Variants in ANKRD6 observed in about 807,000 individuals in gnomAD.
The protein encoded by ANKRD6 is ankyrin repeat domain-containing protein 6.
ANKRD6 carries 56 observed loss-of-function variants against 82.3 expected under a neutral mutation model. The ratio of observed to expected loss-of-function variants is 0.68; its 90% CI spans 0.55 to 0.85. The LOEUF (loss-of-function observed/expected upper bound fraction) is 0.85. Among genes scored for constraint, ANKRD6 ranks in the 40% least tolerant of loss-of-function variants. The probability of loss-of-function intolerance (pLI) is 0.00; values close to 1 mark genes in which losing one functional copy is unlikely to be tolerated. For missense variants in ANKRD6, 852 were observed against 907.6 expected, an observed-to-expected ratio of 0.94 and a Z score of 0.79; for synonymous variants, 347 against 352.1, an observed-to-expected ratio of 0.99 and a Z score of 0.16.
chr6:89,516,848 A>G (rs1002138737), intron 1 of ANKRD6, among the ~76,000 whole-genome samples: 5 of 152,038 alleles, frequency 3.3e-5, no homozygotes, highest in African/African-American at 9.7e-5. Flanking sequence ...GAGGACCCCA[A>G]TAACAGTGAG....
chr6:89,437,525 TACAC>T (rs749773958), intron 1 of ANKRD6, among the ~76,000 whole-genome samples: 23 of 152,178 alleles, frequency 1.5e-4, no homozygotes, highest in Non-Finnish European at 2.6e-4. Context: ...ATATATTAGG[TACAC>T]AGCTATGGAA....
chr6:89,617,094 C>G (rs558510868), intron 8 of ANKRD6: 7 of 380,002 alleles, frequency 1.8e-5, no homozygotes, highest in East Asian at 7.3e-5. Context: ...TCCCTCTCCC[C>G]CTCTCACTGT....
At chr6:89,434,510 A>G (rs1770376787) in intron 1 of ANKRD6, among the ~76,000 whole-genome samples, 1 of 152,164 alleles carries the variant, frequency 6.6e-6, no homozygotes, top group Admixed American at 6.5e-5. Flanking sequence ...GTTTTGAGAC[A>G]GAGTTTCGCT....
intron 1 of ANKRD6, among the ~76,000 whole-genome samples, chr6:89,528,792 C>T (rs1435700914): frequency 6.6e-6 from 1 of 152,224 alleles, no homozygotes; most frequent in East Asian, 1.9e-4. Flanking sequence ...GTTTAGTAGG[C>T]ATGAAAACAA....
chr6:89,595,247 C>T (rs143187676), intron 2 of ANKRD6, among the ~76,000 whole-genome samples: 1 of 152,206 alleles, frequency 6.6e-6, no homozygotes, highest in Non-Finnish European at 1.5e-5. Flanking sequence ...CCTGTAATTC[C>T]AGCTACTCGG....
At chr6:89,603,353 G>T (rs1583653394) in intron 4 of ANKRD6, among the ~76,000 whole-genome samples, 1 of 141,530 alleles carries the variant, frequency 7.1e-6, no homozygotes, top group South Asian at 2.3e-4. Context: ...TGGAGAGAGG[G>T]TCTCACTCTG....
intron 7 of ANKRD6, among the ~76,000 whole-genome samples, chr6:89,616,080 C>T (rs1246148308): frequency 2.0e-5 from 3 of 152,224 alleles, no homozygotes; most frequent in Non-Finnish European, 4.4e-5. Context: ...TGCAGGCTGG[C>T]CTGTCACCTC....
Position 89,627,569 on chromosome 6 carries a change from C to T in ANKRD6, c.1372-14C>T, listed in dbSNP as rs779106873. The T allele has an allele frequency of 1.4e-5, 23 of 1,612,250 alleles. No homozygotes were observed. In the African/African-American group the frequency reaches 1.9e-4, roughly 13 times the overall value. On this transcript the variant is annotated splice_polypyrimidine_tract_variant and intron_variant, in intron 13 of 15. Transcript: ENST00000339746. ...ATCATCTCAGTCTTACACTCTGCTC[C>T]ACTTCACTCCTAGATGCGTGTTTTG...
intron 7 of ANKRD6, 94 bp from the exon 8 acceptor site, chr6:89,616,465 A>C (rs1801610826): frequency 8.7e-7 from 1 of 1,154,652 alleles, no homozygotes; most frequent in Non-Finnish European, 1.3e-6. Flanking sequence ...TCTCAGTTTG[A>C]CTTTGAAGAG....
intron 1 of ANKRD6, among the ~76,000 whole-genome samples, chr6:89,439,599 T>C (rs1219226373): frequency 1.3e-5 from 2 of 152,214 alleles, no homozygotes; most frequent in Non-Finnish European, 2.9e-5. Flanking sequence ...ATTCTAGTAA[T>C]GCTTCAGCGT....
At chr6:89,475,200 T>G (rs1053813210) in intron 1 of ANKRD6, among the ~76,000 whole-genome samples, 1 of 152,180 alleles carries the variant, frequency 6.6e-6, no homozygotes, top group Non-Finnish European at 1.5e-5. Context: ...CATGAATAGA[T>G]GCATGAAAAT....
intron 1 of ANKRD6, among the ~76,000 whole-genome samples, chr6:89,558,068 C>A (rs146208283): frequency 3.5e-4 from 53 of 152,232 alleles, no homozygotes; most frequent in African/African-American, 1.2e-3. Context: ...ACCATTGTTC[C>A]CCACTGCTGA....
intron 1 of ANKRD6, among the ~76,000 whole-genome samples, chr6:89,517,463 G>C (rs920855397): frequency 1.3e-5 from 2 of 152,104 alleles, no homozygotes; most frequent in Non-Finnish European, 2.9e-5. Context: ...AAACTCATTT[G>C]ATGTTTTTCT....
At chr6:89,596,976 G>C (rs893234010) in intron 3 of ANKRD6, among the ~76,000 whole-genome samples, 8 of 152,220 alleles carry the variant, frequency 5.3e-5, no homozygotes, top group African/African-American at 1.4e-4. Context: ...TGTAGTTATA[G>C]AGTGTGATTC....
intron 1 of ANKRD6, among the ~76,000 whole-genome samples, chr6:89,445,274 T>TC (rs1191062907): frequency 6.4e-5 from 9 of 139,850 alleles, no homozygotes; most frequent in Non-Finnish European, 1.4e-4. Flanking sequence ...CTTTTTTTTT[T>TC]TTTTTTTTTT....
intron 1 of ANKRD6, among the ~76,000 whole-genome samples, chr6:89,536,970 T>C (rs959064997): frequency 1.3e-5 from 2 of 152,212 alleles, no homozygotes; most frequent in African/African-American, 2.4e-5. Flanking sequence ...TAAGCCACCA[T>C]GCCCAGTCAT....
intron 1 of ANKRD6, 30 bp from the exon 2 acceptor site, chr6:89,566,804 C>T: frequency 1.2e-6 from 1 of 817,218 alleles, no homozygotes; most frequent in Non-Finnish European, 1.9e-6. Flanking sequence ...TCAAGTGGCC[C>T]TGATGGCACC....
In ANKRD6 at chr6:89,629,962, C is replaced by T. The variant is rs868373212; in HGVS notation, c.1613-471C>T. On this transcript the variant is annotated intron_variant, in intron 15 of 15. Transcript: ENST00000339746. The stretch of plus-strand genomic sequence containing the variant: ...GAGCTCTGGGTGTGGAAAATGGGGC[C>T]TCCTTTCCAAATTGGAGCTTGGGTC... Among the ~76,000 whole-genome samples the T allele has an allele frequency of 3.9e-5, 6 of 152,314 alleles. No individual in the cohort carries two copies. The South Asian group carries it at 6.2e-4, about 16-fold the overall frequency.
intron 1 of ANKRD6, among the ~76,000 whole-genome samples, chr6:89,447,324 T>C (rs949395750): frequency 6.6e-6 from 1 of 152,190 alleles, no homozygotes; most frequent in Non-Finnish European, 1.5e-5. Flanking sequence ...CTTATTGTTA[T>C]TGCTGATATG....
Sources: allele counts gnomAD v4.1 joint callset (sites outside exome capture counted in the v4.1 genomes callset), GRCh38; gene constraint gnomAD v4.1.1; transcripts MANE v1.5; gene names NCBI Gene and HGNC (gene_info 2026-07-23, HGNC 2026-07-21).